Variants in PTK2 observed in about 807,000 individuals in gnomAD.
PTK2 encodes focal adhesion kinase 1.
A neutral mutation model predicts 150.1 loss-of-function variants in PTK2; 45 were observed. The ratio of observed to expected loss-of-function variants is 0.30; its 90% CI spans 0.24 to 0.38. The LOEUF is 0.38. Ranked by LOEUF, PTK2 falls within the 10% of genes least tolerant of loss-of-function variation. The pLI is 1.00. For synonymous variants in PTK2, 432 were observed against 449.2 expected, an observed-to-expected ratio of 0.96 and a Z score of 0.48; for missense variants, 919 against 1,307.3, an observed-to-expected ratio of 0.70 and a Z score of 4.58.
At chr8:140,753,135 A>G (rs946170390) in intron 16 of PTK2, among the ~76,000 whole-genome samples, 2 of 152,216 alleles carry the variant, frequency 1.3e-5, no homozygotes, top group Non-Finnish European at 2.9e-5. Flanking sequence ...TTAGAGACAC[A>G]GGGAGTTCTG....
intron 1 of PTK2, among the ~76,000 whole-genome samples, chr8:140,997,081 C>T (rs899824497): frequency 2.0e-5 from 3 of 152,090 alleles, no homozygotes; most frequent in South Asian, 2.1e-4. Flanking sequence ...TGCTTCCAAC[C>T]GTCATGGATA....
intron 21 of PTK2, 65 bp downstream of exon 24, chr8:140,738,953 A>ATTT: frequency 7.4e-6 from 8 of 1,080,166 alleles, no homozygotes; most frequent in South Asian, 6.3e-5. Flanking sequence ...AAAAGAGATA[A>ATTT]TTTTTTTTTG....
chr8:140,830,261 T>A (rs1446976183), intron 8 of PTK2, among the ~76,000 whole-genome samples: 1 of 152,186 alleles, frequency 6.6e-6, no homozygotes, highest in African/African-American at 2.4e-5. Context: ...TCAAACACAA[T>A]TAAGAAGTAA....
chr8:140,723,878 TCTTA>T (rs1432366977), intron 22 of PTK2, among the ~76,000 whole-genome samples: 11 of 152,248 alleles, frequency 7.2e-5, no homozygotes, highest in Non-Finnish European at 1.0e-4. Context: ...TTTTTACTTC[TCTTA>T]CTTTAAAATA....
At chr8:140,809,821 C>T (rs1232092323) in intron 10 of PTK2, among the ~76,000 whole-genome samples, 3 of 152,118 alleles carry the variant, frequency 2.0e-5, no homozygotes, top group East Asian at 3.9e-4. Flanking sequence ...AGATCTATTA[C>T]TTTTGAAGTG....
intron 3 of PTK2, among the ~76,000 whole-genome samples, chr8:140,889,108 A>T (rs2100153352): frequency 6.7e-6 from 1 of 148,202 alleles, no homozygotes; most frequent in African/African-American, 2.6e-5. Flanking sequence ...AAGAGTTTGT[A>T]AAAAAAAAGA....
At chr8:140,731,836 G>A (rs1022493583) in intron 22 of PTK2, among the ~76,000 whole-genome samples, 5 of 152,192 alleles carry the variant, frequency 3.3e-5, no homozygotes, top group Admixed American at 2.0e-4. Flanking sequence ...ATGGGAGGTG[G>A]AGGTTGCAGG....
intron 11 of PTK2, among the ~76,000 whole-genome samples, chr8:140,802,261 T>G (rs529771569): frequency 7.0e-4 from 107 of 152,224 alleles, no homozygotes; most frequent in African/African-American, 2.5e-3. Context: ...TGACCCTGTG[T>G]AGGCCTAGGC....
rs560582148 is a variant in PTK2 at position 140,988,207 on chromosome 8, T to C, written c.-122+12918A>G. 7.2e-5 allele frequency among the ~76,000 whole-genome samples: 11 copies of C among 152,358 alleles called. No individual in the cohort carries two copies. The East Asian group carries it at 2.1e-3, about 29-fold the overall frequency. ...TAATCCAGTTCTCCACGAATAGATG[T>C]AGACCTTCAATGTAATCCCAAACAA... On this transcript the variant is annotated intron_variant, in intron 1 of 31. Transcript: ENST00000522684.
chr8:140,759,868 A>C (rs1031660690), intron 16 of PTK2, among the ~76,000 whole-genome samples: 5 of 150,468 alleles, frequency 3.3e-5, no homozygotes, highest in East Asian at 2.0e-4. Flanking sequence ...CACACACACA[A>C]ACAATAGTTA....
At chr8:140,857,532 A>C (rs534481880) in intron 5 of PTK2, among the ~76,000 whole-genome samples, 1 of 152,358 alleles carries the variant, frequency 6.6e-6, no homozygotes, top group African/African-American at 2.4e-5. Context: ...TGGATGCATT[A>C]TAACAATTAT....
At chr8:140,931,928 CAAAAAAAAAAAAAAAA>C (rs765792463) in intron 1 of PTK2, among the ~76,000 whole-genome samples, 1 of 54,628 alleles carries the variant, frequency 1.8e-5, no homozygotes, top group Non-Finnish European at 3.4e-5. Flanking sequence ...GACCCAGTCT[CAAAAAAAAAAAAAAAA>C]AAAAAAAAAA....
At chr8:140,959,270 C>G (rs2100182247) in intron 1 of PTK2, among the ~76,000 whole-genome samples, 1 of 151,888 alleles carries the variant, frequency 6.6e-6, no homozygotes, top group South Asian at 2.1e-4. Flanking sequence ...GTGGCTCACG[C>G]CTGTAATCCC....
chr8:140,972,720 C>T (rs1451845044), intron 1 of PTK2, among the ~76,000 whole-genome samples: 7 of 152,096 alleles, frequency 4.6e-5, no homozygotes, highest in Admixed American at 2.6e-4. Context: ...AAAAGTTCAC[C>T]GATCCTTGTT....
intron 4 of PTK2, among the ~76,000 whole-genome samples, chr8:140,867,610 A>T (rs2100140099): frequency 6.6e-6 from 1 of 152,206 alleles, no homozygotes; most frequent in African/African-American, 2.4e-5. Flanking sequence ...GACACTGGGG[A>T]CTAACAAGAG....
intron 1 of PTK2, among the ~76,000 whole-genome samples, chr8:140,940,376 G>C (rs2100175230): frequency 1.3e-5 from 2 of 152,112 alleles, no homozygotes; most frequent in African/African-American, 2.4e-5. Context: ...CTGAACCCGG[G>C]AAACGGAGCT....
chr8:140,993,739 T>C (rs1274073908), intron 1 of PTK2, among the ~76,000 whole-genome samples: 1 of 152,178 alleles, frequency 6.6e-6, no homozygotes, highest in Non-Finnish European at 1.5e-5. Context: ...TGACTTTTTT[T>C]TCTTTTTTGA....
Position 140,665,132 on chromosome 8 carries a change from C to A in PTK2, c.2866-135G>T. ...TATTTCTTTTTCTCAGTGCTTAGCCCTATCTTGTAAGTTATGAGGCTCCTT... is the reference window on the plus strand; with the variant it reads ...TATTTCTTTTTCTCAGTGCTTAGCCATATCTTGTAAGTTATGAGGCTCCTT... On this transcript the variant is annotated intron_variant, in intron 30 of 31. Transcript: ENST00000522684. The A allele has an allele frequency of 2.6e-6, 2 of 756,090 alleles. 1 individual carries two copies. The highest frequency in any genetic ancestry group is 3.8e-5 in the South Asian group (2 of 52,256). 46.8% of individuals were successfully genotyped at this position (756,090 alleles called of 1,614,324 possible). A position where few individuals can be genotyped will look rare whatever the true frequency, so the allele number is the denominator to read the frequency against.
At chr8:140,957,452 A>T (rs1163861161) in intron 1 of PTK2, among the ~76,000 whole-genome samples, 1 of 152,232 alleles carries the variant, frequency 6.6e-6, no homozygotes, top group Non-Finnish European at 1.5e-5. Flanking sequence ...AAAAGTTTAT[A>T]AAGTTATAGT....
Sources: allele counts gnomAD v4.1 joint callset (sites outside exome capture counted in the v4.1 genomes callset), GRCh38; gene constraint gnomAD v4.1.1; transcripts MANE v1.5; gene names NCBI Gene and HGNC (gene_info 2026-07-23, HGNC 2026-07-21).